Variants in GLIS3 observed in about 807,000 individuals in gnomAD.
GLIS3 encodes the protein zinc finger protein GLIS3.
GLIS3 carries 53 observed loss-of-function variants against 78.6 expected under a neutral mutation model. The observed-to-expected ratio is 0.67, with a 90% CI of 0.54 to 0.85. GLIS3 has a LOEUF of 0.85. GLIS3 is among the 40% of genes least tolerant of loss of function. The probability of loss-of-function intolerance (pLI) is 0.00; values close to 1 mark genes in which losing one functional copy is unlikely to be tolerated. For synonymous variants in GLIS3, 684 were observed against 509.9 expected (o/e 1.34, Z -4.60); for missense variants, 1,703 against 1,231.1 (o/e 1.38, Z -5.74).
intron 2 of GLIS3, among the ~76,000 whole-genome samples, chr9:4,161,168 G>C (rs1357912750): frequency 1.3e-5 from 2 of 152,000 alleles, no homozygotes; most frequent in African/African-American, 4.8e-5. Context: ...GGCTACTCAG[G>C]AGACAGAGGC....
the GLIS3 span, among the ~76,000 whole-genome samples, chr9:4,356,741 T>C: frequency 3.3e-5 from 5 of 152,192 alleles, no homozygotes; most frequent in African/African-American, 1.2e-4. Flanking sequence ...TCATCAACAA[T>C]GAATTTGGAA....
chr9:3,927,149 C>G (rs1825313188), intron 6 of GLIS3, among the ~76,000 whole-genome samples: 2 of 152,156 alleles, frequency 1.3e-5, no homozygotes, highest in African/African-American at 2.4e-5. Context: ...GGGCACAGAA[C>G]TTGTCTGTCT....
At chr9:3,872,844 C>G (rs1588128953) in intron 8 of GLIS3, among the ~76,000 whole-genome samples, 1 of 152,006 alleles carries the variant, frequency 6.6e-6, no homozygotes, top group East Asian at 1.9e-4. Flanking sequence ...TACAAATAAA[C>G]AATCTAAAAA....
the GLIS3 span, among the ~76,000 whole-genome samples, chr9:4,479,268 A>G: frequency 6.6e-6 from 1 of 152,196 alleles, no homozygotes; most frequent in Non-Finnish European, 1.5e-5. Context: ...AGATTGTAGA[A>G]TAAAAGATAC....
intron 2 of GLIS3, among the ~76,000 whole-genome samples, chr9:4,185,278 T>G (rs1267902904): frequency 2.0e-5 from 3 of 152,202 alleles, no homozygotes; most frequent in East Asian, 3.8e-4. Context: ...ATGTAAGATG[T>G]TTTAAAATTC....
chr9:4,187,007 C>G (rs181316375), intron 2 of GLIS3, among the ~76,000 whole-genome samples: 3,381 of 152,230 alleles, frequency 0.022, 134 homozygotes, highest in African/African-American at 0.078. Flanking sequence ...TAATTAGATC[C>G]CATTTGTCAA....
At chr9:4,374,585 A>T in the GLIS3 span, among the ~76,000 whole-genome samples, 1 of 152,190 alleles carries the variant, frequency 6.6e-6, no homozygotes, top group African/African-American at 2.4e-5. Context: ...TTTCTTGGGG[A>T]ACTATTCCCC....
rs1031289713 is a variant in GLIS3, at chr9:3,828,380, G to C, written c.2685C>G (p.Ser895Arg). The stretch of plus-strand genomic sequence containing the variant: ...CGCTGCGGAGAGACTCCCCAAAGAG[G>C]CTCGAGGAACTTGAAGGTAAATCAT... ...TVYDLPSSSS[S>R]LFGESLRSGA... The change falls in exon 11 of 11, where the codon AGC becomes AGG. Residue 895 changes from serine to arginine, a missense_variant. By Grantham distance (110) the Ser-to-Arg change is moderately radical. Coordinates refer to ENST00000381971, the MANE Select transcript of GLIS3 (RefSeq NM_001042413.2). 4 of 1,613,590 alleles carry C rather than the reference G, an allele frequency of 2.5e-6. No individual in the cohort carries two copies. Among genetic ancestry groups the C allele is most frequent in the Non-Finnish European group, 3.4e-6 (4 of 1,180,016 alleles).
chr9:4,436,524 G>A, the GLIS3 span, among the ~76,000 whole-genome samples: 2 of 152,068 alleles, frequency 1.3e-5, no homozygotes, highest in African/African-American at 4.8e-5. Flanking sequence ...AGACGGCAAG[G>A]ACTGGGCTGG....
chr9:4,478,518 C>T, the GLIS3 span, among the ~76,000 whole-genome samples: 1 of 151,576 alleles, frequency 6.6e-6, no homozygotes, highest in Non-Finnish European at 1.5e-5. Flanking sequence ...GGCTGAGGCA[C>T]GGAAATCGCT....
At chr9:4,275,055 C>G (rs1010849559) in intron 2 of GLIS3, among the ~76,000 whole-genome samples, 1 of 152,150 alleles carries the variant, frequency 6.6e-6, no homozygotes, top group African/African-American at 2.4e-5. Context: ...TAAAATGTGA[C>G]AAGTCAGAAG....
chr9:4,044,961 C>T (rs1055444714), intron 4 of GLIS3, among the ~76,000 whole-genome samples: 5 of 151,964 alleles, frequency 3.3e-5, no homozygotes, highest in African/African-American at 4.8e-5. Context: ...ATGTAAATTC[C>T]GAGGAAGGGA....
chr9:4,166,732 G>A (rs1287023368), intron 2 of GLIS3, among the ~76,000 whole-genome samples: 1 of 152,212 alleles, frequency 6.6e-6, no homozygotes, highest in African/African-American at 2.4e-5. Context: ...CAGTTACTCT[G>A]ATGAAGGCAT....
intron 6 of GLIS3, among the ~76,000 whole-genome samples, chr9:3,909,832 A>G (rs1824009838): frequency 6.6e-6 from 1 of 152,234 alleles, no homozygotes; most frequent in African/African-American, 2.4e-5. Flanking sequence ...TTCTGTGACG[A>G]TGGAAAGGTT....
the GLIS3 span, among the ~76,000 whole-genome samples, chr9:4,477,728 A>T: frequency 6.6e-6 from 1 of 152,090 alleles, no homozygotes; most frequent in Non-Finnish European, 1.5e-5. Flanking sequence ...GTTAGTGTTT[A>T]ATGGGTTCAG....
intron 2 of GLIS3, among the ~76,000 whole-genome samples, chr9:4,267,323 T>C (rs1371598264): frequency 6.6e-6 from 1 of 152,050 alleles, no homozygotes; most frequent in Non-Finnish European, 1.5e-5. Context: ...AAATTGAGAG[T>C]AGACAGCCCT....
At chr9:4,373,519 C>T in the GLIS3 span, among the ~76,000 whole-genome samples, 1 of 152,128 alleles carries the variant, frequency 6.6e-6, no homozygotes, top group Non-Finnish European at 1.5e-5. Context: ...ATTTCTGGGA[C>T]CACTCAATTT....
At chr9:4,062,375 C>T (rs889174851) in intron 4 of GLIS3, among the ~76,000 whole-genome samples, 4 of 152,122 alleles carry the variant, frequency 2.6e-5, no homozygotes, top group Admixed American at 6.6e-5. Context: ...GTTCTAAACT[C>T]GTTTTGCTTC....
intron 2 of GLIS3, among the ~76,000 whole-genome samples, chr9:4,165,980 G>A (rs147978252): frequency 1.3e-5 from 2 of 152,280 alleles, no homozygotes; most frequent in African/African-American, 2.4e-5. Flanking sequence ...TGGGTGGAAG[G>A]GGAACAGAGC....
Sources: gnomAD v4.1 joint callset for allele counts (sites outside exome capture counted in the v4.1 genomes callset) on GRCh38, gnomAD v4.1.1 for gene constraint, MANE v1.5 for transcripts, NCBI Gene and HGNC (gene_info 2026-07-23, HGNC 2026-07-21) for gene names.